ALK: variants seen among roughly 807,000 people sequenced by gnomAD.
ALK encodes the protein ALK receptor tyrosine kinase.
A neutral mutation model predicts 163.1 loss-of-function variants in ALK; 74 were observed. The ratio of observed to expected loss-of-function variants is 0.45; its 90% CI spans 0.38 to 0.55. The LOEUF (loss-of-function observed/expected upper bound fraction) is 0.55, where lower values mean the gene tolerates loss of function less well. Among genes scored for constraint, ALK ranks in the 20% least tolerant of loss-of-function variants. The pLI is 0.00. For synonymous variants in ALK, 960 were observed against 843.2 expected (o/e 1.14, Z -2.40); for missense variants, 2,063 against 2,105.3 (o/e 0.98, Z 0.39).
intron 4 of ALK, among the ~76,000 whole-genome samples, chr2:29,422,913 G>GTTT (rs59625011): frequency 5.8e-5 from 8 of 138,670 alleles, no homozygotes; most frequent in Non-Finnish European, 9.4e-5. Flanking sequence ...CACTTGATAT[G>GTTT]TTTTTTTTTT....
intron 4 of ALK, among the ~76,000 whole-genome samples, chr2:29,463,815 C>T (rs1410717576): frequency 6.6e-6 from 1 of 152,110 alleles, no homozygotes; most frequent in Non-Finnish European, 1.5e-5. Context: ...AAACTACCAC[C>T]GGGCAAGGAA....
At chr2:29,852,094 C>G (rs1026127291) in intron 1 of ALK, among the ~76,000 whole-genome samples, 8 of 152,186 alleles carry the variant, frequency 5.3e-5, no homozygotes, top group African/African-American at 1.9e-4. Context: ...CTCTTCCGTT[C>G]CCTTAGATGC....
chr2:29,637,201 T>A (rs2339546), intron 3 of ALK, among the ~76,000 whole-genome samples: 118,230 of 151,796 alleles, frequency 0.78, 46,379 homozygotes, highest in African/African-American at 0.87. Flanking sequence ...TCCATGGATG[T>A]ATGATTAAAC....
chr2:29,407,357 T>C (rs1669610748), intron 4 of ALK, among the ~76,000 whole-genome samples: 2 of 152,254 alleles, frequency 1.3e-5, no homozygotes, highest in Admixed American at 6.5e-5. Context: ...TGAACTCTTA[T>C]TAAGTGGCAG....
intron 1 of ALK, among the ~76,000 whole-genome samples, chr2:29,806,920 C>T (rs1179673665): frequency 6.6e-6 from 1 of 152,190 alleles, no homozygotes; most frequent in South Asian, 2.1e-4. Context: ...CTGTGTTAGA[C>T]AATTGTAAGG....
At chr2:29,628,832 G>T (rs1260864009) in intron 3 of ALK, among the ~76,000 whole-genome samples, 1 of 152,156 alleles carries the variant, frequency 6.6e-6, no homozygotes, top group Admixed American at 6.5e-5. Context: ...AAGAAAAAAA[G>T]GAGAGAGCAT....
chr2:29,338,509 T>C (rs1667692971), intron 5 of ALK, among the ~76,000 whole-genome samples: 2 of 152,226 alleles, frequency 1.3e-5, no homozygotes. Context: ...ATCATCTTGA[T>C]CTCAACAATT....
At chr2:29,819,730 T>C (rs1286243138) in intron 1 of ALK, among the ~76,000 whole-genome samples, 4 of 152,254 alleles carry the variant, frequency 2.6e-5, no homozygotes, top group Admixed American at 2.0e-4. Context: ...TTTGTTCTTA[T>C]TTGCTGAAAG....
At chr2:29,819,492 T>G (rs1221391575) in intron 1 of ALK, among the ~76,000 whole-genome samples, 1 of 152,218 alleles carries the variant, frequency 6.6e-6, no homozygotes, top group Non-Finnish European at 1.5e-5. Context: ...CTCTGAGTGT[T>G]ATTATTACCA....
chr2:29,513,952 A>G (rs1672590160), intron 4 of ALK, among the ~76,000 whole-genome samples: 2 of 126,382 alleles, frequency 1.6e-5, no homozygotes, highest in African/African-American at 6.2e-5. Flanking sequence ...ACAATGAGAT[A>G]CCATCTCACA....
chr2:29,826,324 C>T (rs971244482), intron 1 of ALK, among the ~76,000 whole-genome samples: 2 of 151,986 alleles, frequency 1.3e-5, no homozygotes, highest in Admixed American at 6.6e-5. Context: ...ATAGGAAATA[C>T]GTCTGCAGTT....
At chr2:29,883,392 G>T (rs1405236499) in intron 1 of ALK, among the ~76,000 whole-genome samples, 1 of 152,084 alleles carries the variant, frequency 6.6e-6, no homozygotes, top group African/African-American at 2.4e-5. Flanking sequence ...TTCCTTCAAG[G>T]CCCAGGTTTA....
chr2:29,862,282 G>A (rs1666315972), intron 1 of ALK, among the ~76,000 whole-genome samples: 1 of 152,058 alleles, frequency 6.6e-6, no homozygotes, highest in South Asian at 2.1e-4. Context: ...GAGCATTTAG[G>A]CAAAAACAGA....
chr2:29,668,221 A>T (rs1677576988), intron 3 of ALK, among the ~76,000 whole-genome samples: 1 of 151,938 alleles, frequency 6.6e-6, no homozygotes, highest in Admixed American at 6.6e-5. Flanking sequence ...ATCTTTAAAA[A>T]TAACTTTTTG....
chr2:29,386,759 A>G (rs989871345), intron 4 of ALK, among the ~76,000 whole-genome samples: 2 of 152,224 alleles, frequency 1.3e-5, no homozygotes, highest in African/African-American at 4.8e-5. Context: ...CTGCAACTTT[A>G]ATAACTTTCA....
chr2:29,365,903 C>T (rs560062079), intron 5 of ALK, among the ~76,000 whole-genome samples: 17 of 152,216 alleles, frequency 1.1e-4, no homozygotes, highest in Admixed American at 4.6e-4. Context: ...ATGACAATTA[C>T]GACTCAAAAT....
intron 1 of ALK, among the ~76,000 whole-genome samples, chr2:29,878,000 AAT>A (rs1402723836): frequency 6.6e-6 from 1 of 152,174 alleles, no homozygotes; most frequent in Non-Finnish European, 1.5e-5. Context: ...TGTTTACCAT[AAT>A]CTGTAGAGGG....
chr2:29,490,264 AG>A (rs777069529), intron 4 of ALK, among the ~76,000 whole-genome samples: 12 of 152,228 alleles, frequency 7.9e-5, no homozygotes, highest in Non-Finnish European at 1.5e-4. Context: ...TGGGCGGAGG[AG>A]GGGCTAACAC....
intron 1 of ALK, among the ~76,000 whole-genome samples, chr2:29,872,347 A>G (rs1006252703): frequency 1.3e-5 from 2 of 152,206 alleles, no homozygotes; most frequent in African/African-American, 4.8e-5. Flanking sequence ...CAGACAAAAC[A>G]GGTAGTTAAA....
Sources: gnomAD v4.1 joint callset for allele counts (sites outside exome capture counted in the v4.1 genomes callset) on GRCh38, gnomAD v4.1.1 for gene constraint, MANE v1.5 for transcripts, NCBI Gene and HGNC (gene_info 2026-07-23, HGNC 2026-07-21) for gene names.